The following ABTB2 variants were observed in gnomAD, a reference collection of about 807,000 sequenced individuals.
ABTB2 encodes ankyrin repeat and BTB/POZ domain-containing protein 2.
ABTB2 carries 56 observed loss-of-function variants against 104.1 expected under a neutral mutation model. That is an observed-to-expected ratio of 0.54 (90% CI 0.43 to 0.67). The LOEUF is 0.67. ABTB2 is among the 30% of genes least tolerant of loss of function. The pLI, the probability that ABTB2 is intolerant of heterozygous loss-of-function variation, is 0.00. For synonymous variants in ABTB2, 606 were observed against 608.2 expected (o/e 1.00, Z 0.05); for missense variants, 1,279 against 1,407.7 (o/e 0.91, Z 1.46).
chr11:34,303,749 TTTCCTGCCTCAGCTTCC>T (rs1055282078), intron 1 of ABTB2, among the ~76,000 whole-genome samples: 6 of 151,368 alleles, frequency 4.0e-5, no homozygotes, highest in African/African-American at 1.5e-4. Flanking sequence ...ATCAAGCAAT[TTTCCTGCCTCAGCTTCC>T]CGAGTAGTTG....
chr11:34,257,069 T>C (rs997074347), intron 1 of ABTB2, among the ~76,000 whole-genome samples: 6 of 152,210 alleles, frequency 3.9e-5, no homozygotes, highest in Non-Finnish European at 7.3e-5. Context: ...GTTCTGAATA[T>C]ACAGTGCAAC....
At chr11:34,308,558 C>G (rs564792223) in intron 1 of ABTB2, among the ~76,000 whole-genome samples, 1 of 152,126 alleles carries the variant, frequency 6.6e-6, no homozygotes, top group Non-Finnish European at 1.5e-5. Flanking sequence ...ATCTATGCAG[C>G]TCACTCACTG....
At chr11:34,298,432 A>C (rs1854654024) in intron 1 of ABTB2, among the ~76,000 whole-genome samples, 1 of 150,482 alleles carries the variant, frequency 6.6e-6, no homozygotes, top group Non-Finnish European at 1.5e-5. Flanking sequence ...TTTTAAACCA[A>C]TTACTTTTTT....
At position 34,154,322 on chromosome 11, in the gene ABTB2, G is replaced by T; in HGVS notation, c.2823C>A (p.Ile941=). The T allele has an allele frequency of 6.2e-7, 1 of 1,614,106 alleles. No homozygotes were observed. Among genetic ancestry groups the T allele is most frequent in the Non-Finnish European group, 8.5e-7 (1 of 1,179,992 alleles). The part of the protein sequence containing the change: ...QLDALQRHCE[I]LCSQTLSMES... Reference sequence around the variant, plus strand: ...CCATGCTGAGGGTCTGGGAGCACAGGATCTCGCAGTGCCTCTGCAGGGCAT... The same window carrying T: ...CCATGCTGAGGGTCTGGGAGCACAGTATCTCGCAGTGCCTCTGCAGGGCAT... The change falls in exon 16 of 17, where the codon ATC becomes ATA. Residue 941 remains isoleucine (I), a synonymous_variant. Coordinates refer to ENST00000435224, the MANE Select transcript of ABTB2 (RefSeq NM_145804.3). This position sits in a 1 kb window ranked among gnomAD's most constrained non-coding sequence, Gnocchi z 4.9.
chr11:34,351,042 A>G (rs1313929212), intron 1 of ABTB2, among the ~76,000 whole-genome samples: 1 of 152,192 alleles, frequency 6.6e-6, no homozygotes, highest in Non-Finnish European at 1.5e-5. Flanking sequence ...GTAGAAATAG[A>G]GGCGAAGCAT....
chr11:34,193,505 C>T (rs561057040), intron 3 of ABTB2, among the ~76,000 whole-genome samples: 20 of 152,344 alleles, frequency 1.3e-4, no homozygotes, highest in Non-Finnish European at 1.2e-4. Context: ...AAGGCAAAGG[C>T]CTTGAGGTGA....
At chr11:34,157,046 C>T (rs1245946585) in intron 14 of ABTB2, among the ~76,000 whole-genome samples, 1 of 152,164 alleles carries the variant, frequency 6.6e-6, no homozygotes, top group Admixed American at 6.5e-5. Flanking sequence ...CACACACCCC[C>T]ACCCCACCCC....
chr11:34,166,659 G>C (rs1852804689), intron 7 of ABTB2, among the ~76,000 whole-genome samples: 1 of 152,354 alleles, frequency 6.6e-6, no homozygotes, highest in South Asian at 2.1e-4. Flanking sequence ...GAGGACCTGG[G>C]AGTAAGTGCA....
chr11:34,223,160 C>T (rs1255104179), intron 1 of ABTB2, among the ~76,000 whole-genome samples: 1 of 152,170 alleles, frequency 6.6e-6, no homozygotes, highest in African/African-American at 2.4e-5. Flanking sequence ...GTTTACGAGG[C>T]TGGCGTGTGA....
intron 1 of ABTB2, among the ~76,000 whole-genome samples, chr11:34,261,273 T>A (rs1160718353): frequency 6.6e-6 from 1 of 152,202 alleles, no homozygotes; most frequent in Non-Finnish European, 1.5e-5. Context: ...GTGACTGATG[T>A]ATCAGCTTGA....
In ABTB2 at chr11:34,228,457, T is replaced by A. The variant is rs186224462; in HGVS notation, c.884-23767A>T. 2.4e-4 allele frequency among the ~76,000 whole-genome samples: 36 copies of A among 152,178 alleles called. 2 individuals carry two copies. The highest frequency in any genetic ancestry group is 2.0e-3 in the Admixed American group (31 of 15,278). On this transcript the variant is annotated intron_variant, in intron 1 of 16. Coordinates refer to ENST00000435224, the MANE Select transcript of ABTB2 (RefSeq NM_145804.3). Reference sequence around the variant, plus strand: ...CTTGGCTCAGTAGCATGATCTTGGCTCACTGCAACCTCTGCCTCCTGGGTT... The same window carrying A: ...CTTGGCTCAGTAGCATGATCTTGGCACACTGCAACCTCTGCCTCCTGGGTT...
At chr11:34,310,545 C>G (rs796792959) in intron 1 of ABTB2, among the ~76,000 whole-genome samples, 53 of 152,220 alleles carry the variant, frequency 3.5e-4, no homozygotes, top group African/African-American at 1.3e-3. Context: ...AGCAAGCCCT[C>G]CTTTCAGAGC....
At chr11:34,176,153 A>G (rs1007898796) in intron 3 of ABTB2, among the ~76,000 whole-genome samples, 2 of 151,848 alleles carry the variant, frequency 1.3e-5, no homozygotes, top group African/African-American at 4.8e-5. Flanking sequence ...GGTGGTACTC[A>G]CCTGTAGTTC....
chr11:34,327,457 C>T (rs1001740723), intron 1 of ABTB2, among the ~76,000 whole-genome samples: 14 of 152,148 alleles, frequency 9.2e-5, no homozygotes, highest in African/African-American at 2.9e-4. Context: ...GCAGGGGAAA[C>T]GTGGCCTGGC....
intron 1 of ABTB2, among the ~76,000 whole-genome samples, chr11:34,218,820 TG>T (rs1206480495): frequency 8.6e-6 from 1 of 116,188 alleles, no homozygotes; most frequent in African/African-American, 3.4e-5. Context: ...CATTCCAGCC[TG>T]GGCAACAAGA....
chr11:34,159,212 C>T (rs1168596855), intron 14 of ABTB2, 84 bp downstream of exon 14: 2 of 999,030 alleles, frequency 2.0e-6, no homozygotes, highest in Non-Finnish European at 3.1e-6. Flanking sequence ...TGAACAATGA[C>T]AACCAATGCA....
At chr11:34,349,893 C>T (rs2133128523) in intron 1 of ABTB2, among the ~76,000 whole-genome samples, 1 of 152,306 alleles carries the variant, frequency 6.6e-6, no homozygotes, top group South Asian at 2.1e-4. Context: ...TGCCCAGGGT[C>T]ACACAGCTCC....
chr11:34,229,305 A>AC lies in ABTB2; in HGVS notation c.884-24616dup, dbSNP rs767537626. The stretch of plus-strand genomic sequence containing the variant: ...AGACCATCCTGGCTAACACGATGAA[A>AC]CCCGTCTCTACCAAAAATACAAAAA... On this transcript the variant is annotated intron_variant, in intron 1 of 16. Coordinates refer to ENST00000435224, the MANE Select transcript of ABTB2 (RefSeq NM_145804.3). Among the ~76,000 whole-genome samples the AC allele has an allele frequency of 1.1e-3, 172 of 151,154 alleles. 2 individuals are homozygous for AC. The highest frequency in any genetic ancestry group is 3.4e-3 in the Middle Eastern group (1 of 294).
chr11:34,185,475 C>A (rs1565135319), intron 3 of ABTB2, among the ~76,000 whole-genome samples: 1 of 152,240 alleles, frequency 6.6e-6, no homozygotes, highest in Non-Finnish European at 1.5e-5. Context: ...AGGGCCTACT[C>A]TGTGCCAGGT....
Sources: gnomAD v4.1 joint callset for allele counts (sites outside exome capture counted in the v4.1 genomes callset) on GRCh38, gnomAD v4.1.1 for gene constraint, Gnocchi (gnomAD v3.1) non-coding constraint, MANE v1.5 for transcripts, NCBI Gene and HGNC (gene_info 2026-07-23, HGNC 2026-07-21) for gene names.